Variants in LMCD1 observed in about 807,000 individuals in gnomAD.
LMCD1 encodes LIM and cysteine rich domains 1, also known as LIM and cysteine-rich domains protein 1.
LMCD1 carries 32 observed loss-of-function variants against 42.7 expected under a neutral mutation model. The observed-to-expected ratio is 0.75, with a 90% confidence interval of 0.57 to 1.01. The LOEUF (loss-of-function observed/expected upper bound fraction) is 1.01. Among genes scored for constraint, LMCD1 ranks in the 50% least tolerant of loss-of-function variants. The pLI, the probability that LMCD1 is intolerant of heterozygous loss-of-function variation, is 0.00. For synonymous variants in LMCD1, 178 were observed against 184.9 expected (o/e 0.96, Z 0.30); for missense variants, 458 against 483.1 (o/e 0.95, Z 0.49).
chr3:8,547,661 G>T (rs1043707106), intron 3 of LMCD1, among the ~76,000 whole-genome samples: 1 of 152,152 alleles, frequency 6.6e-6, no homozygotes, highest in Non-Finnish European at 1.5e-5. Flanking sequence ...GGGAGACCGA[G>T]GCGGGTGCAT....
chr3:8,522,532 T>G (rs1182994291), intron 1 of LMCD1, among the ~76,000 whole-genome samples: 1 of 152,156 alleles, frequency 6.6e-6, no homozygotes, highest in Non-Finnish European at 1.5e-5. Flanking sequence ...TTCCCTTCCA[T>G]CAGTTCCCCA....
intron 4 of LMCD1, among the ~76,000 whole-genome samples, chr3:8,549,290 G>A (rs1227338492): frequency 6.6e-6 from 1 of 152,082 alleles, no homozygotes; most frequent in Non-Finnish European, 1.5e-5. Context: ...AAAGAGGTGA[G>A]CATTTGCAAA....
At chr3:8,517,829 A>C (rs1694127094) in intron 1 of LMCD1, among the ~76,000 whole-genome samples, 1 of 152,200 alleles carries the variant, frequency 6.6e-6, no homozygotes, top group Non-Finnish European at 1.5e-5. Context: ...CTTTAGAGAT[A>C]ATTTTTTTCA....
intron 4 of LMCD1, among the ~76,000 whole-genome samples, chr3:8,553,239 G>A (rs1574971590): frequency 6.7e-6 from 1 of 149,288 alleles, no homozygotes. Flanking sequence ...GAGCTCCCTC[G>A]GCTCCCTCCC....
chr3:8,524,721 T>C (rs1694267676), intron 1 of LMCD1, among the ~76,000 whole-genome samples: 1 of 152,190 alleles, frequency 6.6e-6, no homozygotes, highest in African/African-American at 2.4e-5. Flanking sequence ...GGCTTCACTC[T>C]GTCATCCAGG....
At position 8,550,740 on chromosome 3, in the gene LMCD1, A is replaced by G. The variant is rs942957164; in HGVS notation, c.723+1837A>G. On this transcript the variant is annotated intron_variant, in intron 4 of 5. Coordinates refer to ENST00000157600, the MANE Select transcript of LMCD1 (RefSeq NM_014583.4). The stretch of plus-strand genomic sequence containing the variant: ...CTATAAACTGGTCTTTTCCCGCCCC[A>G]CCCTGATCCTGGCTTCTGTCCACCC... 9 of 985,092 alleles carry G rather than the reference A, an allele frequency of 9.1e-6. No homozygotes were observed. The South Asian group carries it at 1.9e-4, about 21-fold the overall frequency. 61.0% of individuals were successfully genotyped at this position (985,092 alleles called of 1,614,324 possible). A position where few individuals can be genotyped will look rare whatever the true frequency, so the allele number is the denominator to read the frequency against.
chr3:8,506,177 T>C (rs3774221), intron 1 of LMCD1, among the ~76,000 whole-genome samples: 74,621 of 151,986 alleles, frequency 0.49, 19,074 homozygotes, highest in Non-Finnish European at 0.54. Context: ...CCAATGTATC[T>C]GCCACTGTGG....
rs760458683 is a variant in LMCD1 at position 8,501,892 on chromosome 3, C to A, written c.-47C>A. 1.3e-6 allele frequency: 2 copies of A among 1,562,446 alleles called. No homozygotes were observed. The highest frequency in any genetic ancestry group is 2.8e-5 in the African/African-American group (2 of 71,204). ...CCGCTGTCCCCGCTGCGCGCCCTCGCGCCTCTGCCTGAGAAGCCAGGCGCT... is the reference window on the plus strand; with the variant it reads ...CCGCTGTCCCCGCTGCGCGCCCTCGAGCCTCTGCCTGAGAAGCCAGGCGCT... On this transcript the variant is annotated 5_prime_UTR_variant, in exon 1 of 6. Transcript: ENST00000157600.
At chr3:8,502,369 A>ATTATATATAATATATATTATATAT (rs1693766495) in intron 1 of LMCD1, among the ~76,000 whole-genome samples, 1 of 25,214 alleles carries the variant, frequency 4.0e-5, no homozygotes, top group African/African-American at 1.7e-4. Flanking sequence ...ATATTATATA[A>ATTATATATAATATATATTATATAT]AATATATATA....
intron 1 of LMCD1, among the ~76,000 whole-genome samples, chr3:8,512,902 G>A (rs1487218520): frequency 1.3e-5 from 2 of 152,130 alleles, no homozygotes; most frequent in African/African-American, 2.4e-5. Flanking sequence ...GGGAGAGGTA[G>A]GATTAGAATT....
chr3:8,550,717 A>C (rs765863682), intron 4 of LMCD1: 7 of 967,600 alleles, frequency 7.2e-6, no homozygotes, highest in Non-Finnish European at 8.5e-6. Flanking sequence ...ACCATGGTCT[A>C]TAAACTGGTC....
At chr3:8,551,200 A>ATCT in intron 4 of LMCD1, 2 of 985,246 alleles carry the variant, frequency 2.0e-6, no homozygotes, top group Non-Finnish European at 2.4e-6. Context: ...CCGTCTGTAG[A>ATCT]TGCTGAGGTC....
At chr3:8,566,801 G>C (rs971591060) in intron 5 of LMCD1, among the ~76,000 whole-genome samples, 1 of 152,148 alleles carries the variant, frequency 6.6e-6, no homozygotes, top group Non-Finnish European at 1.5e-5. Flanking sequence ...TTGGTCATTT[G>C]GCAATCATAG....
At chr3:8,526,388 C>T (rs1269945964) in intron 1 of LMCD1, among the ~76,000 whole-genome samples, 1 of 152,130 alleles carries the variant, frequency 6.6e-6, no homozygotes, top group Non-Finnish European at 1.5e-5. Flanking sequence ...AATTTGACCC[C>T]TTTGAACCCC....
Position 8,568,673 on chromosome 3 carries a change from C to A in LMCD1, c.*1075C>A, listed in dbSNP as rs988291584. Reference sequence around the variant, plus strand: ...TGCCAACTAAACATTGAATGAGTCACGTAGAATAGGTCTTTGGGCCAAATT... The same window carrying A: ...TGCCAACTAAACATTGAATGAGTCAAGTAGAATAGGTCTTTGGGCCAAATT... On this transcript the variant is annotated 3_prime_UTR_variant, in exon 6 of 6. Coordinates refer to ENST00000157600, the MANE Select transcript of LMCD1 (RefSeq NM_014583.4). 1 of 152,168 alleles carries A rather than the reference C, an allele frequency of 6.6e-6. No individual in the cohort carries two copies. Among genetic ancestry groups the A allele is most frequent in the Non-Finnish European group, 1.5e-5 (1 of 68,026 alleles). The allele number at this position is 152,168 out of a possible 1,614,324, so 9.4% of individuals were successfully genotyped here.
In LMCD1 at chr3:8,568,366, A is replaced by G. The variant is rs1214354604; in HGVS notation, c.*768A>G. The stretch of plus-strand genomic sequence containing the variant: ...AAAAGTGGCCTGCTGGGAACTGATG[A>G]GCTTCTCTTTAGCCAGGGACCTGAC... On this transcript the variant is annotated 3_prime_UTR_variant, in exon 6 of 6. Transcript: ENST00000157600. 1 of 152,188 alleles carries G rather than the reference A, an allele frequency of 6.6e-6. No individual in the cohort carries two copies. The highest frequency in any genetic ancestry group is 1.5e-5 in the Non-Finnish European group (1 of 68,056). The allele number at this position is 152,188 out of a possible 1,614,324, so 9.4% of individuals were successfully genotyped here. A position where few individuals can be genotyped will look rare whatever the true frequency, so the allele number is the denominator to read the frequency against.
intron 4 of LMCD1, among the ~76,000 whole-genome samples, chr3:8,554,704 G>A (rs906281598): frequency 6.6e-6 from 1 of 152,196 alleles, no homozygotes; most frequent in African/African-American, 2.4e-5. Context: ...TGAGCTGGGT[G>A]GGCAATGATC....
rs183692734 is a variant in LMCD1, at chr3:8,502,455, C to T, written c.42+475C>T. The stretch of plus-strand genomic sequence containing the variant: ...TCTTATGGTCTGTAAAGGAAAAACC[C>T]CTAGCTTCCTCACTCCCTGTCCTCA... On this transcript the variant is annotated intron_variant, in intron 1 of 5. Coordinates refer to ENST00000157600, the MANE Select transcript of LMCD1 (RefSeq NM_014583.4). 4.0e-3 allele frequency among the ~76,000 whole-genome samples: 459 copies of T among 114,292 alleles called. 1 individual carries two copies. Among genetic ancestry groups the T allele is most frequent in the South Asian group, 0.01 (39 of 3,720 alleles). 75.0% of individuals were successfully genotyped at this position (114,292 alleles called of 152,430 possible).
intron 1 of LMCD1, among the ~76,000 whole-genome samples, chr3:8,521,521 T>C (rs2125016447): frequency 6.6e-6 from 1 of 152,282 alleles, no homozygotes; most frequent in Non-Finnish European, 1.5e-5. Context: ...TGCGAATGAT[T>C]TTATAGAATT....
Sources: gnomAD v4.1 joint callset for allele counts (sites outside exome capture counted in the v4.1 genomes callset) on GRCh38, gnomAD v4.1.1 for gene constraint, MANE v1.5 for transcripts, NCBI Gene and HGNC (gene_info 2026-07-23, HGNC 2026-07-21) for gene names.